Variants in BICRA observed in about 807,000 individuals in gnomAD.
BICRA encodes BRD4-interacting chromatin-remodeling complex-associated protein.
Under a neutral mutation model 96.9 loss-of-function variants are expected in BICRA, and 31 were observed. The observed-to-expected ratio is 0.32, with a 90% CI of 0.24 to 0.43. BICRA has a LOEUF of 0.43. BICRA is among the 20% of genes least tolerant of loss of function. The pLI is 1.00. For missense variants in BICRA, 2,283 were observed against 2,190.3 expected (o/e 1.04, Z -0.84); for synonymous variants, 1,350 against 1,071.8 (o/e 1.26, Z -5.07).
At chr19:47,652,483 C>T (rs1304951549) in intron 1 of BICRA, among the ~76,000 whole-genome samples, 7 of 152,074 alleles carry the variant, frequency 4.6e-5, no homozygotes, top group African/African-American at 1.2e-4. Flanking sequence ...CCACTGTGCC[C>T]GGCCTGTCCA....
intron 1 of BICRA, among the ~76,000 whole-genome samples, chr19:47,634,677 A>G (rs563615280): frequency 1.4e-4 from 21 of 152,030 alleles, no homozygotes; most frequent in Admixed American, 8.5e-4. Flanking sequence ...ATCTCAGTAA[A>G]TGGCAGCTCC....
intron 1 of BICRA, chr19:47,615,829 A>G (rs1310963721): frequency 1.3e-5 from 2 of 152,218 alleles, no homozygotes; most frequent in African/African-American, 4.8e-5. Context: ...CCTTGTCTAT[A>G]AAATGGGCCC....
At chr19:47,647,980 G>A (rs368246998) in intron 1 of BICRA, among the ~76,000 whole-genome samples, 29 of 152,124 alleles carry the variant, frequency 1.9e-4, no homozygotes, top group African/African-American at 6.3e-4. Context: ...TTTCCTGGGC[G>A]GGAACTACTG....
At chr19:47,696,110 AGGG>A (rs1177927717) in intron 10 of BICRA, among the ~76,000 whole-genome samples, 2 of 152,118 alleles carry the variant, frequency 1.3e-5, no homozygotes, top group Admixed American at 1.3e-4. Flanking sequence ...TGTGCGAGGC[AGGG>A]GCACTGGGTG....
intron 7 of BICRA, among the ~76,000 whole-genome samples, chr19:47,690,729 T>C (rs1333085971): frequency 6.6e-6 from 1 of 151,986 alleles, no homozygotes; most frequent in African/African-American, 2.4e-5. Context: ...GAGATGAACT[T>C]TGTATTTGGA....
Position 47,683,704 on chromosome 19 carries a change from C to T in BICRA, c.2283+1552C>T, listed in dbSNP as rs573764700. Among the ~76,000 whole-genome samples, 3 of 152,164 alleles carry T rather than the reference C, an allele frequency of 2.0e-5. No individual in the cohort carries two copies. The East Asian group carries it at 5.8e-4, about 29-fold the overall frequency. On this transcript the variant is annotated intron_variant, in intron 7 of 14. Coordinates refer to ENST00000594866, the MANE Select transcript of BICRA (RefSeq NM_001394372.1). ...GGTTCACGCCATTCTCCTGCCTCAG[C>T]CTCCCGAGTAGCTGGGACTACAGGC...
intron 1 of BICRA, among the ~76,000 whole-genome samples, chr19:47,620,897 C>G (rs1972056076): frequency 6.6e-6 from 1 of 152,170 alleles, no homozygotes; most frequent in South Asian, 2.1e-4. Context: ...GCAGAGCTCC[C>G]CAGCAGGCCT....
chr19:47,631,228 A>C (rs1052983770), intron 1 of BICRA, among the ~76,000 whole-genome samples: 7 of 151,290 alleles, frequency 4.6e-5, no homozygotes. Context: ...CTAATTTTTT[A>C]TTTTATTTTA....
At chr19:47,667,173 C>G (rs763108708) in intron 1 of BICRA, among the ~76,000 whole-genome samples, 1 of 152,162 alleles carries the variant, frequency 6.6e-6, no homozygotes, top group Non-Finnish European at 1.5e-5. Flanking sequence ...CGCCCACCCC[C>G]ACGCCGGGCT....
chr19:47,696,115 C>T (rs922454483), intron 10 of BICRA, among the ~76,000 whole-genome samples: 1 of 152,068 alleles, frequency 6.6e-6, no homozygotes, highest in Admixed American at 6.6e-5. Context: ...GAGGCAGGGG[C>T]ACTGGGTGCT....
At chr19:47,685,788 C>CGCGT (rs1555790140) in intron 7 of BICRA, among the ~76,000 whole-genome samples, 3 of 80,378 alleles carry the variant, frequency 3.7e-5, no homozygotes, top group African/African-American at 1.4e-4. Flanking sequence ...TGTGTGTGTG[C>CGCGT]GCGCGCGCGC....
At chr19:47,672,579 G>A (rs1448434927) in intron 2 of BICRA, among the ~76,000 whole-genome samples, 1 of 150,986 alleles carries the variant, frequency 6.6e-6, no homozygotes, top group Non-Finnish European at 1.5e-5. Flanking sequence ...ATAAAGAAGT[G>A]GATGGATGGA....
At position 47,610,631 on chromosome 19, in the gene BICRA, A is replaced by G. The variant is rs114931478; in HGVS notation, c.-108+1463A>G. On this transcript the variant is annotated intron_variant, in intron 1 of 14. Transcript: ENST00000594866. Reference sequence around the variant, plus strand: ...TCACCCCCCCCCCACACACACACCTACCTACCCACCCCATAGTATAATACA... The same window carrying G: ...TCACCCCCCCCCCACACACACACCTGCCTACCCACCCCATAGTATAATACA... 8.8e-3 allele frequency among the ~76,000 whole-genome samples: 1,276 copies of G among 144,310 alleles called. 15 individuals carry two copies. Among genetic ancestry groups the G allele is most frequent in the African/African-American group, 0.032 (1,213 of 37,700 alleles). 94.7% of individuals were successfully genotyped at this position (144,310 alleles called of 152,430 possible). A position where few individuals can be genotyped will look rare whatever the true frequency, so the allele number is the denominator to read the frequency against.
Position 47,689,619 on chromosome 19 carries a change from C to T in BICRA, c.2284-4496C>T, listed in dbSNP as rs549393818. On this transcript the variant is annotated intron_variant, in intron 7 of 14. Transcript: ENST00000594866. ...TAGAGACAGGGTTTCGCCATGTTGG[C>T]CAGGCTGGTCTTGAACTCCTGACCT... 1.4e-3 allele frequency among the ~76,000 whole-genome samples: 215 copies of T among 152,264 alleles called. 2 individuals carry two copies. Among genetic ancestry groups the T allele is most frequent in the African/African-American group, 5.0e-3 (209 of 41,564 alleles).
At chr19:47,682,779 C>T (rs920158304) in intron 7 of BICRA, among the ~76,000 whole-genome samples, 1 of 151,768 alleles carries the variant, frequency 6.6e-6, no homozygotes, top group African/African-American at 2.4e-5. Flanking sequence ...TTAAGTGATT[C>T]TCCTGCCTCC....
At chr19:47,671,824 A>G (rs1332344048) in intron 2 of BICRA, among the ~76,000 whole-genome samples, 2 of 117,768 alleles carry the variant, frequency 1.7e-5, no homozygotes, top group Admixed American at 8.5e-5. Flanking sequence ...GGAGGGATGA[A>G]TAGGTGGATG....
At position 47,680,691 on chromosome 19, in the gene BICRA, A is replaced by G; in HGVS notation, c.1521A>G (p.Gly507=). 1 of 1,602,548 alleles carries G rather than the reference A, an allele frequency of 6.2e-7. No individual in the cohort carries two copies. Among genetic ancestry groups the G allele is most frequent in the Non-Finnish European group, 8.5e-7 (1 of 1,174,766 alleles). Residue 507 remains glycine, a synonymous_variant, in exon 6 of 15, where the codon GGA becomes GGG. Coordinates refer to ENST00000594866, the MANE Select transcript of BICRA (RefSeq NM_001394372.1). ...ILAAAAPHTG[G]QLIANPILTN... Reference sequence around the variant, plus strand: ...CGGCCGCTGCCCCCCACACAGGTGGACAGCTCATCGCGAACCCCATCCTCA... The same window carrying G: ...CGGCCGCTGCCCCCCACACAGGTGGGCAGCTCATCGCGAACCCCATCCTCA...
Position 47,680,484 on chromosome 19 carries a change from G to C in BICRA, c.1314G>C (p.Gln438His). Reference protein sequence around the residue: ...PATTTGAAPPQPPGALSKPMS... With the variant: ...PATTTGAAPPHPPGALSKPMS... ...CCACCACCGGAGCGGCCCCGCCGCA[G>C]CCCCCCGGGGCCCTGAGCAAACCCA... The change falls in exon 6 of 15, where the codon CAG becomes CAC. Residue 438 changes from glutamine (Q) to histidine (H), a missense_variant. Physicochemically the swap from Gln to His is conservative, Grantham distance 24 (BLOSUM62 0). Coordinates refer to ENST00000594866, the MANE Select transcript of BICRA (RefSeq NM_001394372.1). 6.5e-7 allele frequency: 1 copy of C among 1,540,796 alleles called. No homozygotes were observed. The highest frequency in any genetic ancestry group is 8.7e-7 in the Non-Finnish European group (1 of 1,145,008).
chr19:47,664,056 C>T (rs972299183), intron 1 of BICRA, among the ~76,000 whole-genome samples: 5 of 152,120 alleles, frequency 3.3e-5, no homozygotes, highest in Admixed American at 6.6e-5. Context: ...CAGGCTTCTG[C>T]GAGCGGAGGA....
Sources: allele counts gnomAD v4.1 joint callset (sites outside exome capture counted in the v4.1 genomes callset), GRCh38; gene constraint gnomAD v4.1.1; transcripts MANE v1.5; gene names NCBI Gene and HGNC (gene_info 2026-07-23, HGNC 2026-07-21).